ERCC4: variants seen among roughly 807,000 people sequenced by gnomAD.
The protein encoded by ERCC4 is ERCC excision repair 4, endonuclease catalytic subunit.
In ERCC4, 65 loss-of-function variants were observed where a neutral mutation model predicts 76.9. The observed-to-expected ratio is 0.84, with a 90% CI of 0.69 to 1.04. The LOEUF (loss-of-function observed/expected upper bound fraction) is 1.04. Among genes scored for constraint, ERCC4 ranks in the 50% least tolerant of loss-of-function variants. The pLI is 0.00. For synonymous variants in ERCC4, 463 were observed against 410.1 expected (o/e 1.13, Z -1.56); for missense variants, 1,214 against 1,128.2 (o/e 1.08, Z -1.09).
intron 2 of ERCC4, among the ~76,000 whole-genome samples, chr16:13,925,195 A>G (rs906778173): frequency 6.6e-6 from 1 of 152,240 alleles, no homozygotes; most frequent in Non-Finnish European, 1.5e-5. Context: ...GGGATGTAGT[A>G]TCAGTTCTCT....
At position 13,952,206 on chromosome 16, in the gene ERCC4, A is replaced by G. The variant is rs2032639792; in HGVS notation, c.*3859A>G. 1 of 187,584 alleles carries G rather than the reference A, an allele frequency of 5.3e-6. No individual in the cohort carries two copies. The highest frequency in any genetic ancestry group is 1.1e-5 in the Non-Finnish European group (1 of 89,092). 11.6% of individuals were successfully genotyped at this position (187,584 alleles called of 1,614,324 possible). On this transcript the variant is annotated 3_prime_UTR_variant, in exon 11 of 11. Transcript: ENST00000311895. The stretch of plus-strand genomic sequence containing the variant: ...ATATTTATTCAGTACTTTCCTCAGT[A>G]TTTTATGGGCAAAGTAAAAATAACA...
chr16:13,931,826 C>T, intron 5 of ERCC4: 2 of 261,046 alleles, frequency 7.7e-6, no homozygotes, highest in Non-Finnish European at 7.3e-6. Flanking sequence ...CTATTAACAA[C>T]ATTGCAAATA....
chr16:13,925,402 G>A (rs977955898), intron 2 of ERCC4, among the ~76,000 whole-genome samples: 4 of 152,186 alleles, frequency 2.6e-5, no homozygotes, highest in African/African-American at 9.7e-5. Flanking sequence ...TATTTTCTGA[G>A]TAGTAAATTA....
At position 13,948,113 on chromosome 16, in the gene ERCC4, C is replaced by T. The variant is rs200715555; in HGVS notation, c.2517C>T (p.Pro839=). Reference sequence around the variant, plus strand: ...TTACAGCAGATTCTGAAACCCTTCCCGAGTCAGAGAAGTATAATCCTGGTC... The same window carrying T: ...TTACAGCAGATTCTGAAACCCTTCCTGAGTCAGAGAAGTATAATCCTGGTC... The part of the protein sequence containing the change: ...LAITADSETL[P]ESEKYNPGPQ... Residue 839 remains proline (P), a synonymous_variant, in exon 11 of 11, where the codon CCC becomes CCT. Coordinates refer to ENST00000311895, the MANE Select transcript of ERCC4 (RefSeq NM_005236.3). 138 of 1,614,130 alleles carry T rather than the reference C, an allele frequency of 8.5e-5. 1 individual carries two copies. The South Asian group carries it at 9.1e-4, about 11-fold the overall frequency.
chr16:13,921,760 T>A (rs2031980905), intron 1 of ERCC4, among the ~76,000 whole-genome samples: 1 of 152,232 alleles, frequency 6.6e-6, no homozygotes, highest in Admixed American at 6.5e-5. Context: ...TTTAAAAGTT[T>A]GAGGTTTTGT....
intron 4 of ERCC4, among the ~76,000 whole-genome samples, chr16:13,928,742 A>G (rs2032116979): frequency 6.6e-6 from 1 of 152,126 alleles, no homozygotes; most frequent in African/African-American, 2.4e-5. Flanking sequence ...TTTATTATAG[A>G]TTAATATTGC....
chr16:13,937,696 T>C, intron 8 of ERCC4, 70 bp from the exon 9 acceptor site: 1 of 931,286 alleles, frequency 1.1e-6, no homozygotes, highest in Non-Finnish European at 1.8e-6. Context: ...TGATTTCACA[T>C]GTTCTGCTGT....
chr16:13,935,094 A>C (rs1303825250), intron 7 of ERCC4, 52 bp from the exon 8 acceptor site: 2 of 1,365,038 alleles, frequency 1.5e-6, no homozygotes, highest in Non-Finnish European at 2.1e-6. Context: ...GCACAGGGAA[A>C]CTAGGAGGAC....
At chr16:13,922,523 T>C in intron 2 of ERCC4, 1 of 735,640 alleles carries the variant, frequency 1.4e-6, no homozygotes, top group Non-Finnish European at 2.5e-6. Context: ...GCTTCAGAAA[T>C]GTCCCTGACT....
chr16:13,920,804 A>G (rs532177959), intron 1 of ERCC4, among the ~76,000 whole-genome samples: 2 of 151,878 alleles, frequency 1.3e-5, no homozygotes, highest in Admixed American at 1.3e-4. Context: ...TCCCCAGGGG[A>G]TGCGGGTCCC....
chr16:13,946,739 T>TG (rs201879118), intron 10 of ERCC4, among the ~76,000 whole-genome samples: 8,105 of 151,496 alleles, frequency 0.053, 419 homozygotes, highest in African/African-American at 0.13. Context: ...ATACAACATC[T>TG]GTTTTTTTGT....
intron 4 of ERCC4, among the ~76,000 whole-genome samples, chr16:13,928,721 C>T (rs1216263037): frequency 6.6e-6 from 1 of 151,984 alleles, no homozygotes; most frequent in African/African-American, 2.4e-5. Flanking sequence ...AATTTTTATT[C>T]TAACTAATTT....
intron 6 of ERCC4, chr16:13,932,525 C>A: frequency 1.8e-6 from 1 of 568,354 alleles, no homozygotes; most frequent in South Asian, 2.4e-5. Flanking sequence ...CCCAGGGCTT[C>A]CAAATAACAG....
intron 5 of ERCC4, chr16:13,931,406 T>C (rs1444749569): frequency 6.2e-6 from 1 of 162,178 alleles, no homozygotes; most frequent in Non-Finnish European, 1.4e-5. Flanking sequence ...CGTGAACCCC[T>C]GGGGTCAAGA....
intron 5 of ERCC4, chr16:13,931,924 T>G: frequency 3.8e-6 from 2 of 521,480 alleles, no homozygotes; most frequent in Non-Finnish European, 6.7e-6. Context: ...ACGAGAAAAG[T>G]TCTGACATCA....
intron 9 of ERCC4, among the ~76,000 whole-genome samples, chr16:13,943,377 G>A (rs1166431873): frequency 1.3e-5 from 2 of 152,188 alleles, no homozygotes; most frequent in East Asian, 3.9e-4. Context: ...GGCAGAAGGG[G>A]AAGCAAACTT....
chr16:13,945,956 CT>C (rs1040530171), intron 10 of ERCC4, among the ~76,000 whole-genome samples: 1 of 152,224 alleles, frequency 6.6e-6, no homozygotes, highest in Non-Finnish European at 1.5e-5. Flanking sequence ...TGTTACAGTT[CT>C]GCAGGTTCAA....
chr16:13,952,073 TG>T lies in ERCC4; in HGVS notation c.*3727del. 1 of 196,386 alleles carries T rather than the reference TG, an allele frequency of 5.1e-6. No homozygotes were observed. The highest frequency in any genetic ancestry group is 2.3e-5 in the African/African-American group (1 of 43,386). The allele number at this position is 196,386 out of a possible 1,614,324, so 12.2% of individuals were successfully genotyped here. A position where few individuals can be genotyped will look rare whatever the true frequency, so the allele number is the denominator to read the frequency against. On this transcript the variant is annotated 3_prime_UTR_variant, in exon 11 of 11. Transcript: ENST00000311895. ...TTGGTAGCCTAAACCGCTATGCTGT[TG>T]TTTTTTTAATTTAAAGATGTATAAG...
intron 7 of ERCC4, chr16:13,934,511 C>G: frequency 1.9e-6 from 1 of 522,260 alleles, no homozygotes; most frequent in Non-Finnish European, 3.4e-6. Context: ...CATTTCTGTT[C>G]GTTTGATGTT....
Sources: gnomAD v4.1 joint callset for allele counts (sites outside exome capture counted in the v4.1 genomes callset) on GRCh38, gnomAD v4.1.1 for gene constraint, MANE v1.5 for transcripts, NCBI Gene and HGNC (gene_info 2026-07-23, HGNC 2026-07-21) for gene names.